DCC: variants seen among roughly 807,000 people sequenced by gnomAD.
DCC encodes the protein DCC netrin 1 receptor, also known as netrin receptor DCC.
A neutral mutation model predicts 172.5 loss-of-function variants in DCC; 58 were observed. The ratio of observed to expected loss-of-function variants is 0.34; its 90% CI spans 0.27 to 0.42. The LOEUF is 0.42. DCC is among the 10% of genes least tolerant of loss of function. DCC has a pLI of 1.00. For missense variants in DCC, 1,740 were observed against 1,791.0 expected, an observed-to-expected ratio of 0.97 and a Z score of 0.51; for synonymous variants, 709 against 644.5, an observed-to-expected ratio of 1.10 and a Z score of -1.52.
chr18:52,990,159 A>G (rs1396002730), intron 5 of DCC, among the ~76,000 whole-genome samples: 5 of 152,060 alleles, frequency 3.3e-5, no homozygotes, highest in Admixed American at 6.6e-5. Flanking sequence ...CCAGAGTAGA[A>G]CCCAGAGATG....
In DCC at chr18:52,423,832, T is replaced by C. The variant is rs1987333654; in HGVS notation, c.91+82954T>C. 2.0e-5 allele frequency among the ~76,000 whole-genome samples: 3 copies of C among 152,148 alleles called. No individual in the cohort carries two copies. The South Asian group carries it at 6.2e-4, about 31-fold the overall frequency. On this transcript the variant is annotated intron_variant, in intron 1 of 28. Transcript: ENST00000442544. The stretch of plus-strand genomic sequence containing the variant: ...ATGTTTAAAGTGTGACCTTTTCTAA[T>C]CTTTAAAAGTAAGATAACTTTTTGA...
intron 1 of DCC, among the ~76,000 whole-genome samples, chr18:52,656,040 GTA>G (rs1408221747): frequency 2.6e-5 from 3 of 115,434 alleles, no homozygotes; most frequent in African/African-American, 6.3e-5. Flanking sequence ...ATATATGTGT[GTA>G]TATATATGTA....
chr18:53,105,942 C>A (rs1389630868), intron 7 of DCC, among the ~76,000 whole-genome samples: 1 of 151,252 alleles, frequency 6.6e-6, no homozygotes, highest in African/African-American at 2.4e-5. Context: ...CCTTCTTTCA[C>A]ACCTCCCTGT....
intron 5 of DCC, among the ~76,000 whole-genome samples, chr18:52,972,546 G>T (rs1598986258): frequency 6.7e-6 from 1 of 149,048 alleles, no homozygotes; most frequent in African/African-American, 2.5e-5. Context: ...TCTCGCTATA[G>T]GTTTTACTCC....
chr18:53,520,325 A>G lies in DCC; in HGVS notation c.4112-6292A>G, dbSNP rs186063981. ...CTCCAGGCCTCACTCACTAATCCAC[A>G]TGCCTGACGACTACATTGCCTTCTC... On this transcript the variant is annotated intron_variant, in intron 27 of 28. Coordinates refer to ENST00000442544, the MANE Select transcript of DCC (RefSeq NM_005215.4). 1.3e-4 allele frequency among the ~76,000 whole-genome samples: 20 copies of G among 152,236 alleles called. No homozygotes were observed. The East Asian group carries it at 3.7e-3, about 28-fold the overall frequency.
chr18:52,776,592 AG>A (rs1403576175), intron 2 of DCC, among the ~76,000 whole-genome samples: 1 of 152,150 alleles, frequency 6.6e-6, no homozygotes, highest in East Asian at 1.9e-4. Flanking sequence ...TCTGATTGAA[AG>A]GGTCTACCAA....
intron 2 of DCC, among the ~76,000 whole-genome samples, chr18:52,845,900 C>T (rs1273924062): frequency 6.6e-6 from 1 of 151,056 alleles, no homozygotes; most frequent in Non-Finnish European, 1.5e-5. Context: ...AAAGTCCCTC[C>T]TTAGAGGTTA....
intron 21 of DCC, among the ~76,000 whole-genome samples, chr18:53,431,278 CT>C (rs58102356): frequency 0.38 from 36,483 of 96,092 alleles, 4,811 homozygotes; most frequent in East Asian, 0.54. Context: ...TTGGCAGAAG[CT>C]TTTTTTTTTT....
In DCC at chr18:53,097,576, C is replaced by T. The variant is rs113316068; in HGVS notation, c.1261+31410C>T. On this transcript the variant is annotated intron_variant, in intron 7 of 28. Transcript: ENST00000442544. ...TTTGATTTTCATACATCTTTTAAGG[C>T]TCAAAACGTATCTGGTCTTTATTAT... Among the ~76,000 whole-genome samples, 1,367 of 152,206 alleles carry T rather than the reference C, an allele frequency of 9.0e-3. 22 individuals carry two copies. The highest frequency in any genetic ancestry group is 0.031 in the African/African-American group (1,279 of 41,518).
intron 1 of DCC, among the ~76,000 whole-genome samples, chr18:52,468,583 AG>A (rs1988856018): frequency 6.6e-6 from 1 of 152,228 alleles, no homozygotes; most frequent in Non-Finnish European, 1.5e-5. Context: ...GCTTATTAAT[AG>A]TTAATATGTT....
intron 1 of DCC, among the ~76,000 whole-genome samples, chr18:52,361,960 C>T (rs1984636735): frequency 6.6e-6 from 1 of 152,172 alleles, no homozygotes; most frequent in Non-Finnish European, 1.5e-5. Context: ...AGGGCTGGCT[C>T]ACATCTATTC....
chr18:53,467,152 A>T (rs2045632015), intron 24 of DCC, among the ~76,000 whole-genome samples: 1 of 152,152 alleles, frequency 6.6e-6, no homozygotes, highest in South Asian at 2.1e-4. Context: ...TATTACATAG[A>T]TATAGGTGTG....
At chr18:53,170,501 T>G (rs756713004) in intron 8 of DCC, among the ~76,000 whole-genome samples, 7 of 152,250 alleles carry the variant, frequency 4.6e-5, no homozygotes, top group Non-Finnish European at 8.8e-5. Flanking sequence ...TGTGATTATA[T>G]CTCTCATTAA....
chr18:52,619,343 T>TC (rs2034440184), intron 1 of DCC, among the ~76,000 whole-genome samples: 1 of 152,154 alleles, frequency 6.6e-6, no homozygotes, highest in African/African-American at 2.4e-5. Context: ...AGACTGTTTT[T>TC]CCCCACCCAC....
intron 7 of DCC, among the ~76,000 whole-genome samples, chr18:53,100,029 C>A (rs1356585850): frequency 2.0e-5 from 3 of 147,668 alleles, no homozygotes; most frequent in Admixed American, 6.8e-5. Flanking sequence ...TCACTGCAAC[C>A]TCCACCTCCC....
At position 53,148,700 on chromosome 18, in the gene DCC, A is replaced by G. The variant is rs75134523; in HGVS notation, c.1262-8656A>G. Among the ~76,000 whole-genome samples, 246 of 152,182 alleles carry G rather than the reference A, an allele frequency of 1.6e-3. 1 individual carries two copies. The highest frequency in any genetic ancestry group is 4.8e-3 in the Admixed American group (74 of 15,300). ...AGGAGCAGAAATATGGAACAATACA[A>G]TTTTTTAAAAAGAAAATGAATGATA... On this transcript the variant is annotated intron_variant, in intron 7 of 28. Transcript: ENST00000442544.
At chr18:52,723,149 A>G (rs983262526) in intron 1 of DCC, among the ~76,000 whole-genome samples, 2 of 152,174 alleles carry the variant, frequency 1.3e-5, no homozygotes, top group Admixed American at 6.5e-5. Flanking sequence ...GGAAATTCAT[A>G]GGATGTTCTC....
chr18:52,588,328 C>A (rs931688141), intron 1 of DCC, among the ~76,000 whole-genome samples: 2 of 152,190 alleles, frequency 1.3e-5, no homozygotes, highest in African/African-American at 4.8e-5. Flanking sequence ...GGTTGCACAG[C>A]AGCCTGCACC....
At chr18:52,491,056 C>A (rs1049090473) in intron 1 of DCC, among the ~76,000 whole-genome samples, 1 of 152,074 alleles carries the variant, frequency 6.6e-6, no homozygotes, top group African/African-American at 2.4e-5. Flanking sequence ...CATTTAACAC[C>A]TCTTCACTCT....
Sources: gnomAD v4.1 joint callset for allele counts (sites outside exome capture counted in the v4.1 genomes callset) on GRCh38, gnomAD v4.1.1 for gene constraint, MANE v1.5 for transcripts, NCBI Gene and HGNC (gene_info 2026-07-23, HGNC 2026-07-21) for gene names.